PRMT7: variants seen among roughly 807,000 people sequenced by gnomAD.
The protein encoded by PRMT7 is protein arginine N-methyltransferase 7.
Under a neutral mutation model 85.4 loss-of-function variants are expected in PRMT7, and 75 were observed. The ratio of observed to expected loss-of-function variants is 0.88; its 90% CI spans 0.73 to 1.06. The LOEUF (loss-of-function observed/expected upper bound fraction) is 1.06, where lower values mean the gene tolerates loss of function less well. Among genes scored for constraint, PRMT7 ranks in the 50% least tolerant of loss-of-function variants. PRMT7 has a pLI of 0.00. For missense variants in PRMT7, 868 were observed against 915.2 expected (o/e 0.95, Z 0.67); for synonymous variants, 397 against 359.5 (o/e 1.10, Z -1.18).
chr16:68,353,891 G>A (rs2087833092), intron 16 of PRMT7, among the ~76,000 whole-genome samples: 1 of 152,180 alleles, frequency 6.6e-6, no homozygotes, highest in Non-Finnish European at 1.5e-5. Context: ...CCATGGTGGG[G>A]GCTCCATTCC....
At chr16:68,318,204 C>CT (rs67973024) in intron 3 of PRMT7, among the ~76,000 whole-genome samples, 106,046 of 143,750 alleles carry the variant, frequency 0.74, 39,201 homozygotes, top group East Asian at 0.84. Context: ...ACTTTTTTTT[C>CT]TTTTTTTTTT....
intron 9 of PRMT7, among the ~76,000 whole-genome samples, chr16:68,341,186 C>A (rs1357750006): frequency 6.6e-6 from 1 of 152,138 alleles, no homozygotes; most frequent in African/African-American, 2.4e-5. Context: ...GTTATTTACA[C>A]CCCCATCCAC....
In PRMT7 at chr16:68,315,996, G is replaced by A. The variant is rs764514742; in HGVS notation, c.17G>A (p.Ser6Asn). Residue 6 changes from serine to asparagine, a missense_variant, in exon 3 of 19, where the codon AGT becomes AAT. By Grantham distance (46) the Ser-to-Asn change is conservative. Transcript: ENST00000441236. MKIFC[S>N]RANPTTGSVE... ...GTGGGCACCATGAAGATCTTCTGCA[G>A]TCGGGCCAATCCGACCACGGGGTCT... 12 of 1,613,564 alleles carry A rather than the reference G, an allele frequency of 7.4e-6. No individual in the cohort carries two copies. The East Asian group carries it at 2.7e-4, about 36-fold the overall frequency.
At chr16:68,344,725 TA>T (rs1418715957) in intron 9 of PRMT7, among the ~76,000 whole-genome samples, 1 of 152,212 alleles carries the variant, frequency 6.6e-6, no homozygotes, top group Non-Finnish European at 1.5e-5. Context: ...CAATTTAGAA[TA>T]TTCAGTTATT....
At chr16:68,326,194 A>C (rs1260804718) in intron 5 of PRMT7, among the ~76,000 whole-genome samples, 4 of 152,160 alleles carry the variant, frequency 2.6e-5, no homozygotes. Context: ...GAGCATGTAT[A>C]TAAATACTTT....
At chr16:68,356,494 G>T (rs192859633) in intron 17 of PRMT7, among the ~76,000 whole-genome samples, 48 of 152,362 alleles carry the variant, frequency 3.2e-4, no homozygotes, top group Non-Finnish European at 6.6e-4. Context: ...TGCAGGGCTC[G>T]GGTTGGCTCA....
chr16:68,346,127 G>T lies in PRMT7; in HGVS notation c.1056-18G>T. On this transcript the variant is annotated intron_variant, in intron 10 of 18. Transcript: ENST00000441236. ...AGGCGCTCACAGCCCACGTCTGTTT[G>T]TTCATCTCCTGGCCTAGCCCTGAAA... 10 of 1,612,526 alleles carry T rather than the reference G, an allele frequency of 6.2e-6. No homozygotes were observed. The highest frequency in any genetic ancestry group is 8.5e-6 in the Non-Finnish European group (10 of 1,180,008).
At chr16:68,359,351 A>T (rs2089091958), downstream of PRMT7, 1 of 152,346 alleles carries the variant, frequency 6.6e-6, no homozygotes, top group Admixed American at 6.5e-5. Context: ...GCCCAGCAGG[A>T]TGCTCGCCCT....
intron 1 of PRMT7, 138 bp from the exon 2 acceptor site, chr16:68,311,904 A>G (rs2043798961): frequency 6.6e-6 from 1 of 152,028 alleles, no homozygotes; most frequent in Admixed American, 6.6e-5. Context: ...TGTAATTTGT[A>G]TTACTCTCTC....
chr16:68,334,062 C>T (rs543193442), intron 6 of PRMT7, among the ~76,000 whole-genome samples: 7 of 152,312 alleles, frequency 4.6e-5, no homozygotes, highest in Admixed American at 1.3e-4. Flanking sequence ...TGAACCACCA[C>T]GCCTGGCCAA....
chr16:68,345,574 G>A, intron 9 of PRMT7, 101 bp from the exon 10 acceptor site: 1 of 1,520,750 alleles, frequency 6.6e-7, no homozygotes, highest in Middle Eastern at 2.3e-4. Flanking sequence ...TCTACATTGT[G>A]GACGTCCTGA....
Position 68,348,353 on chromosome 16 carries a change from T to C in PRMT7, c.1335T>C (p.Ala445=), listed in dbSNP as rs371783820. The C allele has an allele frequency of 3.1e-6, 5 of 1,604,726 alleles. No homozygotes were observed. The highest frequency in any genetic ancestry group is 4.3e-6 in the Non-Finnish European group (5 of 1,171,762). Residue 445 remains alanine (A), a synonymous_variant, in exon 14 of 19, where the codon GCT becomes GCC. Coordinates refer to ENST00000441236, the MANE Select transcript of PRMT7 (RefSeq NM_019023.5). The stretch of plus-strand genomic sequence containing the variant: ...GTTTTCTTTCTAAGATCTTCAAGGC[T>C]AACCACTTGGAAGATAAAATTAACA... ...SHKLLRKIFK[A]NHLEDKINII...
chr16:68,345,811 A>G lies in PRMT7; in HGVS notation c.1055+9A>G. The G allele has an allele frequency of 6.2e-7, 1 of 1,613,920 alleles. No individual in the cohort carries two copies. ...AGCCTGCAGAGGACCAGGTACGTCG[A>G]GCCTCGTGGGGGTGGAGGATGAGCC... On this transcript the variant is annotated intron_variant, in intron 10 of 18. Transcript: ENST00000441236.
At chr16:68,349,601 G>A (rs1307446473) in intron 14 of PRMT7, among the ~76,000 whole-genome samples, 1 of 152,070 alleles carries the variant, frequency 6.6e-6, no homozygotes, top group African/African-American at 2.4e-5. Context: ...GTCTCATTTA[G>A]AACATTTCCA....
intron 9 of PRMT7, among the ~76,000 whole-genome samples, chr16:68,341,595 G>A (rs1288627724): frequency 1.3e-5 from 2 of 152,116 alleles, no homozygotes; most frequent in Non-Finnish European, 2.9e-5. Flanking sequence ...TTTTAGTAGA[G>A]ATGGGGTTTC....
chr16:68,332,376 G>A (rs561569370), intron 6 of PRMT7, among the ~76,000 whole-genome samples: 34 of 152,238 alleles, frequency 2.2e-4, no homozygotes, highest in African/African-American at 8.2e-4. Context: ...CCTTGGTCTC[G>A]AGTGTGTAAA....
At chr16:68,359,402 C>T, downstream of PRMT7, 1 of 152,648 alleles carries the variant, frequency 6.6e-6, no homozygotes, top group East Asian at 1.9e-4. Flanking sequence ...AGGGGCAGGG[C>T]TTGGGCCCGG....
chr16:68,349,333 T>A (rs1352175955), intron 14 of PRMT7, among the ~76,000 whole-genome samples: 5 of 152,090 alleles, frequency 3.3e-5, no homozygotes. Context: ...TGTGAATCAG[T>A]GACCATCAGA....
At chr16:68,328,094 C>T (rs755552549) in intron 5 of PRMT7, 1 of 274,204 alleles carries the variant, frequency 3.6e-6, no homozygotes, top group South Asian at 3.2e-5. Flanking sequence ...ATAAATTAAA[C>T]CTGGTCATAG....
Sources: gnomAD v4.1 joint callset for allele counts (sites outside exome capture counted in the v4.1 genomes callset) on GRCh38, gnomAD v4.1.1 for gene constraint, MANE v1.5 for transcripts, NCBI Gene and HGNC (gene_info 2026-07-23, HGNC 2026-07-21) for gene names.